Variants in DNAH8 observed in about 807,000 individuals in gnomAD.
DNAH8 encodes the protein dynein axonemal heavy chain 8.
In DNAH8, 382 loss-of-function variants were observed where a neutral mutation model predicts 562.1. That is an observed-to-expected ratio of 0.68 (90% CI 0.63 to 0.74). The LOEUF (loss-of-function observed/expected upper bound fraction) is 0.74, where lower values mean the gene tolerates loss of function less well. DNAH8 is among the 30% of genes least tolerant of loss of function. The probability of loss-of-function intolerance (pLI) is 0.00; values close to 1 mark genes in which losing one functional copy is unlikely to be tolerated. For missense variants in DNAH8, 5,203 were observed against 5,620.4 expected, an observed-to-expected ratio of 0.93 and a Z score of 2.37; for synonymous variants, 1,881 against 1,919.4, an observed-to-expected ratio of 0.98 and a Z score of 0.52.
chr6:38,778,568 C>A, intron 14 of DNAH8, 104 bp downstream of exon 14: 1 of 666,860 alleles, frequency 1.5e-6, no homozygotes. Context: ...CCTACATAAA[C>A]CTTAAAACTT....
rs572279652 is a variant in DNAH8 at position 38,746,886 on chromosome 6, G to C, written c.1294-3590G>C. Among the ~76,000 whole-genome samples, 337 of 151,862 alleles carry C rather than the reference G, an allele frequency of 2.2e-3. 1 individual carries two copies. Among genetic ancestry groups the C allele is most frequent in the Non-Finnish European group, 3.9e-3 (268 of 67,942 alleles). ...AGAGGTTGCAGTGAGCTGAGATTGTGCCACTGCACTCCAGCCTGTGTGTTG... is the reference window on the plus strand; with the variant it reads ...AGAGGTTGCAGTGAGCTGAGATTGTCCCACTGCACTCCAGCCTGTGTGTTG... On this transcript the variant is annotated intron_variant, in intron 8 of 92. Transcript: ENST00000327475.
intron 91 of DNAH8, among the ~76,000 whole-genome samples, chr6:39,016,562 A>AG (rs1168162463): frequency 6.6e-6 from 1 of 152,064 alleles, no homozygotes; most frequent in African/African-American, 2.4e-5. Flanking sequence ...AAAAAAAAAA[A>AG]AAAGAAAAAA....
intron 91 of DNAH8, among the ~76,000 whole-genome samples, chr6:39,018,904 T>A (rs1350727125): frequency 3.3e-5 from 5 of 152,018 alleles, no homozygotes; most frequent in Non-Finnish European, 7.4e-5. Flanking sequence ...GGTGGGGAGG[T>A]ACAGGAGTCT....
At chr6:38,818,537 C>CAAAAAAAAAAAAGAAAAA (rs775835573) in intron 26 of DNAH8, among the ~76,000 whole-genome samples, 4 of 75,850 alleles carry the variant, frequency 5.3e-5, no homozygotes, top group African/African-American at 1.9e-4. Context: ...AAAGCAAAAG[C>CAAAAAAAAAAAAGAAAAA]AAAAAAAAAA....
intron 81 of DNAH8, among the ~76,000 whole-genome samples, chr6:38,950,845 A>AT (rs1420612867): frequency 6.6e-6 from 1 of 152,076 alleles, no homozygotes; most frequent in Non-Finnish European, 1.5e-5. Context: ...AAAAAAAAAA[A>AT]GTCTGTGGGG....
At chr6:38,750,927 AT>A (rs1392227850) in intron 9 of DNAH8, among the ~76,000 whole-genome samples, 2 of 152,236 alleles carry the variant, frequency 1.3e-5, no homozygotes, top group Non-Finnish European at 2.9e-5. Flanking sequence ...TATATTTAAT[AT>A]TTTAACCCAT....
chr6:38,750,770 T>TA lies in DNAH8; in HGVS notation c.1407+190dup, dbSNP rs375508516. ...ACAGAGCAAGAAGACCCCATCTATA[T>TA]AAAAAAAAATAGTACAATTTAAGAA... On this transcript the variant is annotated intron_variant, in intron 9 of 92. Transcript: ENST00000327475. 2.3e-3 allele frequency among the ~76,000 whole-genome samples: 348 copies of TA among 150,976 alleles called. 1 individual carries two copies. The highest frequency in any genetic ancestry group is 8.0e-3 in the African/African-American group (328 of 41,144).
intron 88 of DNAH8, among the ~76,000 whole-genome samples, chr6:39,005,987 A>G (rs1348871201): frequency 6.6e-6 from 1 of 152,256 alleles, no homozygotes; most frequent in Non-Finnish European, 1.5e-5. Context: ...CCACAAGCCA[A>G]GAAGTGCAGG....
At chr6:38,980,626 G>A (rs1308518363) in intron 85 of DNAH8, among the ~76,000 whole-genome samples, 1 of 152,134 alleles carries the variant, frequency 6.6e-6, no homozygotes, top group Non-Finnish European at 1.5e-5. Flanking sequence ...GTCTACCTTG[G>A]ATCAAATTAG....
chr6:39,020,085 A>G lies in DNAH8; in HGVS notation c.13715-6461A>G, dbSNP rs181086446. Among the ~76,000 whole-genome samples the G allele has an allele frequency of 1.1e-4, 17 of 152,312 alleles. No homozygotes were observed. The East Asian group carries it at 3.3e-3, about 29-fold the overall frequency. On this transcript the variant is annotated intron_variant, in intron 91 of 92. Coordinates refer to ENST00000327475, the MANE Select transcript of DNAH8 (RefSeq NM_001206927.2). ...GGAAGCATAAACTAGCTCAAGGAAA[A>G]GATAGTTCAGGGCAGAAATTACATT...
chr6:38,946,900 G>T (rs6912776), intron 80 of DNAH8, among the ~76,000 whole-genome samples: 24,532 of 152,116 alleles, frequency 0.16, 2,337 homozygotes, highest in Middle Eastern at 0.24. Flanking sequence ...ATCACTTGAA[G>T]CCCACGCCCT....
chr6:38,887,796 A>C (rs1779056021), intron 57 of DNAH8, among the ~76,000 whole-genome samples: 1 of 151,358 alleles, frequency 6.6e-6, no homozygotes, highest in Non-Finnish European at 1.5e-5. Context: ...TAATTATTTG[A>C]TATAGCAAGT....
intron 80 of DNAH8, among the ~76,000 whole-genome samples, chr6:38,947,892 T>C (rs754202396): frequency 5.3e-5 from 8 of 152,074 alleles, no homozygotes; most frequent in Non-Finnish European, 8.8e-5. Flanking sequence ...GGATTACAGA[T>C]ACACGCTGCC....
At chr6:38,824,358 C>T (rs1773129030) in intron 28 of DNAH8, among the ~76,000 whole-genome samples, 1 of 152,118 alleles carries the variant, frequency 6.6e-6, no homozygotes, top group South Asian at 2.1e-4. Flanking sequence ...CTGATTGGCA[C>T]TCAGAGGCGG....
rs1022099211 is a variant in DNAH8, at chr6:38,775,872, A to T, written c.1883A>T (p.Gln628Leu). The T allele has an allele frequency of 4.3e-6, 7 of 1,612,522 alleles. No individual in the cohort carries two copies. Among genetic ancestry groups the T allele is most frequent in the African/African-American group, 4.0e-5 (3 of 74,898 alleles). ...ATATACCAAGGGGTTAAGAAAAAGC[A>T]ATATGACATTCTGGATCCAAGAAGG... The part of the protein sequence containing the change: ...RNIYQGVKKK[Q>L]YDILDPRRTE... The change falls in exon 13 of 93, where the codon CAA (glutamine) becomes CTA (leucine). Residue 628 changes from glutamine (Q) to leucine (L), a missense_variant. Transcript: ENST00000327475.
chr6:38,767,174 C>T (rs1011386301), intron 11 of DNAH8, among the ~76,000 whole-genome samples: 5 of 152,148 alleles, frequency 3.3e-5, no homozygotes, highest in Non-Finnish European at 7.3e-5. Context: ...CGGTGGCTCA[C>T]GCCTGTAATC....
intron 88 of DNAH8, among the ~76,000 whole-genome samples, chr6:38,997,826 C>T (rs1483918193): frequency 6.6e-6 from 1 of 152,184 alleles, no homozygotes; most frequent in Admixed American, 6.5e-5. Flanking sequence ...GGTGCGATCT[C>T]AGCTCACTGC....
chr6:38,823,929 A>T (rs187728617), intron 28 of DNAH8, among the ~76,000 whole-genome samples: 3 of 152,300 alleles, frequency 2.0e-5, no homozygotes, highest in East Asian at 3.9e-4. Context: ...AATGTTAAAT[A>T]GTTCTGGGCC....
intron 88 of DNAH8, among the ~76,000 whole-genome samples, chr6:38,991,970 CT>C (rs35933572): frequency 0.39 from 57,947 of 147,692 alleles, 11,574 homozygotes; most frequent in East Asian, 0.6. Flanking sequence ...ATACTCTACA[CT>C]TTTTTTTTTT....
Sources: gnomAD v4.1 joint callset for allele counts (sites outside exome capture counted in the v4.1 genomes callset) on GRCh38, gnomAD v4.1.1 for gene constraint, MANE v1.5 for transcripts, NCBI Gene and HGNC (gene_info 2026-07-23, HGNC 2026-07-21) for gene names.